Variants in ADRA1B observed in about 807,000 individuals in gnomAD.
ADRA1B encodes the protein adrenoceptor alpha 1B.
Under a neutral mutation model 17.9 loss-of-function variants are expected in ADRA1B, and 17 were observed. That is an observed-to-expected ratio of 0.95 (90% CI 0.65 to 1.42). The LOEUF is 1.42. Among genes scored for constraint, ADRA1B ranks in the 40% most tolerant of loss-of-function variants. The probability of loss-of-function intolerance (pLI) is 0.00; values close to 1 mark genes in which losing one functional copy is unlikely to be tolerated. For missense variants in ADRA1B, 681 were observed against 722.1 expected, an observed-to-expected ratio of 0.94 and a Z score of 0.65; for synonymous variants, 366 against 327.6, an observed-to-expected ratio of 1.12 and a Z score of -1.27.
At chr5:159,924,281 G>A (rs1004898431) in intron 1 of ADRA1B, among the ~76,000 whole-genome samples, 11 of 152,154 alleles carry the variant, frequency 7.2e-5, no homozygotes, top group Non-Finnish European at 1.2e-4. Context: ...GTGTGTGAAT[G>A]TCTCTGTGCG....
chr5:159,883,166 T>C (rs908730085), intron 1 of ADRA1B, among the ~76,000 whole-genome samples: 1 of 152,176 alleles, frequency 6.6e-6, no homozygotes, highest in East Asian at 1.9e-4. Context: ...CCTTCTCTTT[T>C]TCCCCCTTCC....
At chr5:159,906,475 T>C (rs1444667040) in intron 1 of ADRA1B, among the ~76,000 whole-genome samples, 3 of 152,342 alleles carry the variant, frequency 2.0e-5, no homozygotes, top group East Asian at 1.9e-4. Flanking sequence ...AATCAAATCA[T>C]TGGGTTACTT....
At chr5:159,926,946 G>A (rs1754670357) in intron 1 of ADRA1B, among the ~76,000 whole-genome samples, 1 of 152,198 alleles carries the variant, frequency 6.6e-6, no homozygotes, top group East Asian at 1.9e-4. Context: ...GCTCAGGGGG[G>A]TTAAGTGGCT....
At chr5:159,957,239 C>T (rs1755571931) in intron 1 of ADRA1B, among the ~76,000 whole-genome samples, 1 of 152,024 alleles carries the variant, frequency 6.6e-6, no homozygotes, top group Admixed American at 6.6e-5. Flanking sequence ...CATGGTGGCT[C>T]ACTCCCATAA....
chr5:159,894,234 A>G (rs56895456), intron 1 of ADRA1B, among the ~76,000 whole-genome samples: 1 of 152,220 alleles, frequency 6.6e-6, no homozygotes, highest in Non-Finnish European at 1.5e-5. Context: ...GGCCTTAAAT[A>G]AAACAAATGT....
chr5:159,921,215 C>A (rs543068441), intron 1 of ADRA1B, among the ~76,000 whole-genome samples: 1 of 152,302 alleles, frequency 6.6e-6, no homozygotes, highest in East Asian at 1.9e-4. Flanking sequence ...GTCCTCCCCA[C>A]CCTTTCCCTG....
At chr5:159,957,984 T>C (rs1011242427) in intron 1 of ADRA1B, among the ~76,000 whole-genome samples, 1 of 149,728 alleles carries the variant, frequency 6.7e-6, no homozygotes, top group Non-Finnish European at 1.5e-5. Context: ...AGAAATATCA[T>C]TCTTTTACTG....
chr5:159,955,688 T>C (rs1755539376), intron 1 of ADRA1B, among the ~76,000 whole-genome samples: 1 of 152,158 alleles, frequency 6.6e-6, no homozygotes. Flanking sequence ...TGGAGAAATA[T>C]CTGCACCTTT....
intron 1 of ADRA1B, chr5:159,947,974 A>C (rs974344511): frequency 1.6e-4 from 153 of 985,328 alleles, no homozygotes; most frequent in Non-Finnish European, 1.8e-4. Context: ...GCTTTGCGTC[A>C]TGAAGGGAAT....
At chr5:159,953,448 C>T (rs898065267) in intron 1 of ADRA1B, among the ~76,000 whole-genome samples, 4 of 152,210 alleles carry the variant, frequency 2.6e-5, no homozygotes, top group East Asian at 1.9e-4. Context: ...TCCATCCCTG[C>T]GTGTAACCAG....
chr5:159,943,166 T>C (rs1755179981), intron 1 of ADRA1B, among the ~76,000 whole-genome samples: 1 of 151,470 alleles, frequency 6.6e-6, no homozygotes, highest in Non-Finnish European at 1.5e-5. Context: ...GAGGCGAGAT[T>C]GCGCCACTGT....
chr5:159,899,599 T>C (rs962871371), intron 1 of ADRA1B, among the ~76,000 whole-genome samples: 1 of 152,162 alleles, frequency 6.6e-6, no homozygotes, highest in African/African-American at 2.4e-5. Context: ...TCCAAAAGGG[T>C]ACCACTCATA....
At chr5:159,970,570 T>C (rs1247815504) in intron 1 of ADRA1B, among the ~76,000 whole-genome samples, 3 of 152,174 alleles carry the variant, frequency 2.0e-5, no homozygotes, top group Admixed American at 6.5e-5. Context: ...TGGACTTGTG[T>C]GAAAATTCAT....
At chr5:159,904,663 T>C (rs1581025717) in intron 1 of ADRA1B, among the ~76,000 whole-genome samples, 1 of 152,334 alleles carries the variant, frequency 6.6e-6, no homozygotes, top group East Asian at 1.9e-4. Flanking sequence ...TTATACACAT[T>C]GTCTAATTTA....
upstream of ADRA1B, among the ~76,000 whole-genome samples, chr5:159,912,621 G>T (rs1754239869): frequency 2.6e-5 from 4 of 152,328 alleles, no homozygotes; most frequent in Admixed American, 2.0e-4. Flanking sequence ...TCAGTCTGGT[G>T]CAGAGAGAAG....
At chr5:159,963,973 C>G (rs945492559) in intron 1 of ADRA1B, among the ~76,000 whole-genome samples, 1 of 152,126 alleles carries the variant, frequency 6.6e-6, no homozygotes, top group African/African-American at 2.4e-5. Flanking sequence ...TCCCTCCTCC[C>G]CTCACCACCC....
intron 1 of ADRA1B, among the ~76,000 whole-genome samples, chr5:159,921,736 T>C (rs533970071): frequency 8.5e-4 from 130 of 152,340 alleles, no homozygotes; most frequent in Non-Finnish European, 1.5e-3. Context: ...AGTTTTGTTC[T>C]CCATAGTATT....
chr5:159,907,931 T>G (rs909783683), intron 1 of ADRA1B, among the ~76,000 whole-genome samples: 1 of 141,712 alleles, frequency 7.1e-6, no homozygotes. Flanking sequence ...CTATAGCTGT[T>G]TGTTCTCTCT....
intron 1 of ADRA1B, among the ~76,000 whole-genome samples, chr5:159,932,990 TTG>T (rs1309131573): frequency 6.6e-6 from 1 of 152,212 alleles, no homozygotes; most frequent in Non-Finnish European, 1.5e-5. Flanking sequence ...CTGTAAAATT[TTG>T]TAAGTGGACC....
Sources: allele counts gnomAD v4.1 joint callset (sites outside exome capture counted in the v4.1 genomes callset), GRCh38; gene constraint gnomAD v4.1.1; transcripts MANE v1.5; gene names NCBI Gene and HGNC (gene_info 2026-07-23, HGNC 2026-07-21).